The following RGS7BP variants were observed in gnomAD, a reference collection of about 807,000 sequenced individuals.
RGS7BP encodes the protein regulator of G protein signaling 7-binding protein.
Under a neutral mutation model 31.3 loss-of-function variants are expected in RGS7BP, and 9 were observed. The observed-to-expected ratio is 0.29, with a 90% confidence interval of 0.17 to 0.50. RGS7BP has a LOEUF of 0.50. Ranked by LOEUF, RGS7BP falls within the 20% of genes least tolerant of loss-of-function variation. The pLI is 0.98. For missense variants in RGS7BP, 274 were observed against 322.0 expected (o/e 0.85, Z 1.14); for synonymous variants, 115 against 120.1 (o/e 0.96, Z 0.28).
At position 64,612,001 on chromosome 5, in the gene RGS7BP, A is replaced by G. The variant is rs971416386; in HGVS notation, c.*2749A>G. On this transcript the variant is annotated 3_prime_UTR_variant, in exon 6 of 6. Coordinates refer to ENST00000334025, the MANE Select transcript of RGS7BP (RefSeq NM_001029875.3). Reference sequence around the variant, plus strand: ...TGAACTCATTTTGTCGCATGTACCCACAGGCTTGAAACAGAAAATGATGTA... The same window carrying G: ...TGAACTCATTTTGTCGCATGTACCCGCAGGCTTGAAACAGAAAATGATGTA... 2.0e-5 allele frequency: 3 copies of G among 152,260 alleles called. No individual in the cohort carries two copies. Among genetic ancestry groups the G allele is most frequent in the African/African-American group, 7.2e-5 (3 of 41,396 alleles). The allele number at this position is 152,260 out of a possible 1,614,324, so 9.4% of individuals were successfully genotyped here.
rs1216803913 is a variant in RGS7BP at position 64,506,522 on chromosome 5, G to A, written c.-103G>A. 2.9e-5 allele frequency: 31 copies of A among 1,054,734 alleles called. 1 individual carries two copies. Among genetic ancestry groups the A allele is most frequent in the Middle Eastern group, 3.2e-4 (1 of 3,088 alleles). 65.3% of individuals were successfully genotyped at this position (1,054,734 alleles called of 1,614,324 possible). A position where few individuals can be genotyped will look rare whatever the true frequency, so the allele number is the denominator to read the frequency against. ...CCAGCACTGTGAGCTGCGCGCCTCA[G>A]GTCCGGGCTCCGGCTGCTTGGCGGC... On this transcript the variant is annotated 5_prime_UTR_variant, in exon 1 of 6. Transcript: ENST00000334025. This position sits in a 1 kb window ranked among gnomAD's most constrained non-coding sequence, Gnocchi z 4.6.
At chr5:64,583,886 A>C (rs1256617168) in intron 3 of RGS7BP, among the ~76,000 whole-genome samples, 2 of 152,234 alleles carry the variant, frequency 1.3e-5, no homozygotes, top group Non-Finnish European at 2.9e-5. Context: ...ATGTTGGCTG[A>C]AGAATAGGAT....
intron 3 of RGS7BP, among the ~76,000 whole-genome samples, chr5:64,580,322 C>A (rs1383414160): frequency 2.0e-5 from 3 of 152,036 alleles, no homozygotes; most frequent in South Asian, 4.2e-4. Flanking sequence ...GAGAGAAAGG[C>A]AGACAAATGT....
At chr5:64,511,741 G>A (rs552396039) in intron 2 of RGS7BP, among the ~76,000 whole-genome samples, 5 of 152,288 alleles carry the variant, frequency 3.3e-5, no homozygotes, top group South Asian at 2.1e-4. Flanking sequence ...CAAAGAATAC[G>A]TGAAGATTTT....
chr5:64,523,017 TG>T (rs1429439300), intron 2 of RGS7BP, among the ~76,000 whole-genome samples: 1 of 150,660 alleles, frequency 6.6e-6, no homozygotes, highest in African/African-American at 2.4e-5. Flanking sequence ...AAAGAGAAAA[TG>T]GGGAAGGAGG....
At chr5:64,546,639 G>A (rs1425346060) in intron 2 of RGS7BP, among the ~76,000 whole-genome samples, 3 of 151,676 alleles carry the variant, frequency 2.0e-5, no homozygotes, top group Admixed American at 1.3e-4. Context: ...CTAAAGGGAA[G>A]GAAAGATAGG....
At chr5:64,597,123 G>T (rs1408830629) in intron 4 of RGS7BP, among the ~76,000 whole-genome samples, 1 of 152,078 alleles carries the variant, frequency 6.6e-6, no homozygotes, top group Admixed American at 6.6e-5. Context: ...AATGAAATCT[G>T]CCCCTATGTC....
chr5:64,586,711 C>A (rs951997273), intron 3 of RGS7BP, among the ~76,000 whole-genome samples: 2 of 152,170 alleles, frequency 1.3e-5, no homozygotes, highest in African/African-American at 4.8e-5. Flanking sequence ...AGCAGAGTGC[C>A]TCAGGCAGAG....
At chr5:64,602,803 T>C (rs1259979057) in intron 5 of RGS7BP, among the ~76,000 whole-genome samples, 1 of 152,134 alleles carries the variant, frequency 6.6e-6, no homozygotes, top group Non-Finnish European at 1.5e-5. Flanking sequence ...TGCTACAAGG[T>C]ATATTAGATT....
At chr5:64,534,162 T>C (rs1285199831) in intron 2 of RGS7BP, among the ~76,000 whole-genome samples, 1 of 152,022 alleles carries the variant, frequency 6.6e-6, no homozygotes, top group Non-Finnish European at 1.5e-5. Context: ...CATGCGAAGA[T>C]CTGGGGCAGA....
intron 2 of RGS7BP, among the ~76,000 whole-genome samples, chr5:64,538,248 T>C (rs749225150): frequency 4.6e-5 from 7 of 152,094 alleles, no homozygotes; most frequent in Non-Finnish European, 8.8e-5. Flanking sequence ...TGTTGTACAT[T>C]TCTATGAGTT....
chr5:64,594,823 T>A lies in RGS7BP; in HGVS notation c.577T>A (p.Trp193Arg). 6.2e-7 allele frequency: 1 copy of A among 1,613,788 alleles called. No homozygotes were observed. Among genetic ancestry groups the A allele is most frequent in the Non-Finnish European group, 8.5e-7 (1 of 1,179,780 alleles). The change falls in exon 4 of 6, where the codon TGG becomes AGG. Residue 193 changes from tryptophan to arginine, a missense_variant. Physicochemically the swap from Trp to Arg is moderately radical, Grantham distance 101. Coordinates refer to ENST00000334025, the MANE Select transcript of RGS7BP (RefSeq NM_001029875.3). ...CCCCGTAGATAGTCAGCAACATTCC[T>A]GGCAGGTTTCCACAGACATTGAGAA... ...SSPVDSQQHS[W>R]QVSTDIENTE...
At chr5:64,568,355 T>A (rs1040497395) in intron 2 of RGS7BP, among the ~76,000 whole-genome samples, 1 of 151,788 alleles carries the variant, frequency 6.6e-6, no homozygotes, top group African/African-American at 2.4e-5. Context: ...GAGGACAACA[T>A]TAAGAGAATC....
intron 5 of RGS7BP, among the ~76,000 whole-genome samples, chr5:64,607,077 A>T (rs1263077769): frequency 6.6e-6 from 1 of 152,180 alleles, no homozygotes; most frequent in African/African-American, 2.4e-5. Flanking sequence ...AATATATAAC[A>T]TAGTGCAACA....
intron 2 of RGS7BP, among the ~76,000 whole-genome samples, chr5:64,509,434 A>T (rs1460703693): frequency 1.3e-5 from 2 of 152,182 alleles, no homozygotes; most frequent in Non-Finnish European, 2.9e-5. Context: ...TGGAGGAATG[A>T]ACAAGGAGTT....
At chr5:64,594,094 T>C (rs1742995897) in intron 3 of RGS7BP, among the ~76,000 whole-genome samples, 1 of 152,198 alleles carries the variant, frequency 6.6e-6, no homozygotes. Flanking sequence ...ACCTACTACA[T>C]GGCATTCACA....
At chr5:64,527,826 A>G (rs1198452548) in intron 2 of RGS7BP, among the ~76,000 whole-genome samples, 1 of 152,196 alleles carries the variant, frequency 6.6e-6, no homozygotes, top group Admixed American at 6.5e-5. Flanking sequence ...TATAGTTGCA[A>G]GGATATACAC....
chr5:64,553,824 C>T (rs953804392), intron 2 of RGS7BP, among the ~76,000 whole-genome samples: 3 of 152,052 alleles, frequency 2.0e-5, no homozygotes, highest in African/African-American at 7.2e-5. Flanking sequence ...TATACAAACA[C>T]CCTCTTAAAT....
chr5:64,511,303 C>G (rs1335991842), intron 2 of RGS7BP, among the ~76,000 whole-genome samples: 2 of 152,204 alleles, frequency 1.3e-5, no homozygotes, highest in Non-Finnish European at 2.9e-5. Flanking sequence ...CCTTTTCTTT[C>G]AAAGGCATCA....
Sources: gnomAD v4.1 joint callset for allele counts (sites outside exome capture counted in the v4.1 genomes callset) on GRCh38, gnomAD v4.1.1 for gene constraint, Gnocchi (gnomAD v3.1) non-coding constraint, MANE v1.5 for transcripts, NCBI Gene and HGNC (gene_info 2026-07-23, HGNC 2026-07-21) for gene names.